SCIMP: variants seen among roughly 807,000 people sequenced by gnomAD.
The protein encoded by SCIMP is SLP adapter and CSK-interacting membrane protein.
In SCIMP, 18 loss-of-function variants were observed where a neutral mutation model predicts 22.0. That is an observed-to-expected ratio of 0.82 (90% CI 0.56 to 1.21). The LOEUF is 1.21. Ranked by LOEUF, SCIMP falls within the 50% of genes most tolerant of loss-of-function variation. The probability of loss-of-function intolerance (pLI) is 0.00; values close to 1 mark genes in which losing one functional copy is unlikely to be tolerated. For synonymous variants in SCIMP, 53 were observed against 62.2 expected (o/e 0.85, Z 0.70); for missense variants, 155 against 171.2 (o/e 0.91, Z 0.53).
chr17:5,214,737 G>A (rs1355917626), intron 4 of SCIMP, 188 bp downstream of exon 4: 1 of 530,166 alleles, frequency 1.9e-6, no homozygotes, highest in Admixed American at 3.4e-5. Context: ...CTACTCCGGA[G>A]GCTGAGGTAG....
chr17:5,234,370 C>T (rs1251024416), intron 1 of SCIMP, among the ~76,000 whole-genome samples: 2 of 151,852 alleles, frequency 1.3e-5, no homozygotes, highest in African/African-American at 2.4e-5. Context: ...TAACAAGTCC[C>T]AAAACACACC....
chr17:5,222,929 G>T (rs2585272), intron 2 of SCIMP, among the ~76,000 whole-genome samples: 84,681 of 151,616 alleles, frequency 0.56, 25,581 homozygotes, highest in Non-Finnish European at 0.7. Context: ...CTTCCCAAAG[G>T]GCTGGGATTA....
chr17:5,227,129 A>G (rs2074655174), intron 1 of SCIMP, among the ~76,000 whole-genome samples: 1 of 152,072 alleles, frequency 6.6e-6, no homozygotes, highest in Non-Finnish European at 1.5e-5. Flanking sequence ...ACTGAGGGCT[A>G]CTGAAGGATC....
intron 3 of SCIMP, among the ~76,000 whole-genome samples, chr17:5,219,951 C>G: frequency 6.6e-6 from 1 of 152,164 alleles, no homozygotes; most frequent in East Asian, 1.9e-4. Context: ...CAAGCTTTGC[C>G]TGCTTTCTGC....
chr17:5,216,608 G>A (rs190294741), intron 3 of SCIMP, among the ~76,000 whole-genome samples: 3 of 152,234 alleles, frequency 2.0e-5, no homozygotes, highest in African/African-American at 7.2e-5. Context: ...GGAGGTTACA[G>A]AGAGCCAAGA....
chr17:5,219,648 T>C (rs1214587305), intron 3 of SCIMP, among the ~76,000 whole-genome samples: 8 of 151,364 alleles, frequency 5.3e-5, no homozygotes, highest in African/African-American at 1.9e-4. Flanking sequence ...AAATAAAGAG[T>C]GTCTTTGTAT....
intron 2 of SCIMP, 63 bp from the exon 3 acceptor site, chr17:5,221,413 A>G: frequency 7.8e-7 from 1 of 1,288,768 alleles, no homozygotes; most frequent in African/African-American, 1.5e-5. Flanking sequence ...TTTTAATTTA[A>G]CCCAGAGAAA....
At chr17:5,234,044 G>A (rs1156865752) in intron 1 of SCIMP, 1 of 152,312 alleles carries the variant, frequency 6.6e-6, no homozygotes, top group Non-Finnish European at 1.5e-5. Flanking sequence ...GCCGAGGCGG[G>A]CGGATCACCT....
rs765720585 is a variant in SCIMP, at chr17:5,221,361, A to G, written c.146-11T>C. On this transcript the variant is annotated splice_polypyrimidine_tract_variant and intron_variant, in intron 2 of 4. Transcript: ENST00000574081. Reference sequence around the variant, plus strand: ...TTTCCCATTTCTTGCCTAAGAGGGGAAAAGCATGTTCATTGAAGAAGAATT... The same window carrying G: ...TTTCCCATTTCTTGCCTAAGAGGGGGAAAGCATGTTCATTGAAGAAGAATT... 3 of 1,606,220 alleles carry G rather than the reference A, an allele frequency of 1.9e-6. No homozygotes were observed. The highest frequency in any genetic ancestry group is 1.3e-5 in the African/African-American group (1 of 74,894).
chr17:5,214,534 G>T (rs1480555959), intron 4 of SCIMP: 61 of 143,264 alleles, frequency 4.3e-4, no homozygotes, highest in Middle Eastern at 4.2e-3. Context: ...CCAGCCTGGG[G>T]GACAGAGCGA....
At chr17:5,220,370 C>T (rs991555528) in intron 3 of SCIMP, among the ~76,000 whole-genome samples, 2 of 144,524 alleles carry the variant, frequency 1.4e-5, no homozygotes, top group African/African-American at 5.2e-5. Context: ...TGCTTGAGCC[C>T]AGGAGTTTGA....
At chr17:5,211,289 A>G (rs990561428) in intron 4 of SCIMP, among the ~76,000 whole-genome samples, 5 of 152,230 alleles carry the variant, frequency 3.3e-5, no homozygotes, top group African/African-American at 9.6e-5. Flanking sequence ...TGGGAGGCCC[A>G]GGTGGGAGGA....
intron 1 of SCIMP, among the ~76,000 whole-genome samples, chr17:5,231,252 C>T (rs942106260): frequency 5.3e-5 from 8 of 151,090 alleles, no homozygotes; most frequent in Non-Finnish European, 8.8e-5. Flanking sequence ...CCCAGCCACT[C>T]GGAAGGCTGA....
At chr17:5,213,194 A>G in intron 4 of SCIMP, 1 of 983,848 alleles carries the variant, frequency 1.0e-6, no homozygotes, top group Non-Finnish European at 1.2e-6. Flanking sequence ...ACATGAATTT[A>G]CACCCTTATA....
chr17:5,217,460 G>A (rs564329847), intron 3 of SCIMP, among the ~76,000 whole-genome samples: 2 of 151,470 alleles, frequency 1.3e-5, no homozygotes, highest in Admixed American at 6.6e-5. Context: ...TGTGCACAAC[G>A]TGCAGGTTTG....
At chr17:5,225,865 TG>T (rs2074644574) in intron 1 of SCIMP, among the ~76,000 whole-genome samples, 1 of 151,882 alleles carries the variant, frequency 6.6e-6, no homozygotes, top group Admixed American at 6.6e-5. Context: ...GACTGACGTC[TG>T]GGGAGTTGGG....
chr17:5,220,405 C>G (rs1166769306), intron 3 of SCIMP, among the ~76,000 whole-genome samples: 3 of 140,484 alleles, frequency 2.1e-5, no homozygotes, highest in Admixed American at 7.6e-5. Context: ...TTAGAGCTGC[C>G]TGGGCAACAT....
At chr17:5,211,883 T>C (rs1315762269) in intron 4 of SCIMP, among the ~76,000 whole-genome samples, 6 of 151,918 alleles carry the variant, frequency 3.9e-5, no homozygotes. Flanking sequence ...ACTCTGTCTC[T>C]ACAAAAATAC....
chr17:5,215,192 T>C, intron 3 of SCIMP, 194 bp from the exon 4 acceptor site: 1 of 532,470 alleles, frequency 1.9e-6, no homozygotes, highest in African/African-American at 1.9e-5. Context: ...AACCGTTTTC[T>C]GTAGCCCTGG....
Sources: allele counts gnomAD v4.1 joint callset (sites outside exome capture counted in the v4.1 genomes callset), GRCh38; gene constraint gnomAD v4.1.1; transcripts MANE v1.5; gene names NCBI Gene and HGNC (gene_info 2026-07-23, HGNC 2026-07-21).